TMEM132C: variants seen among roughly 807,000 people sequenced by gnomAD.
TMEM132C encodes protein phosphatase 1, regulatory subunit 152.
TMEM132C carries 29 observed loss-of-function variants against 61.4 expected under a neutral mutation model. That is an observed-to-expected ratio of 0.47 (90% CI 0.35 to 0.64). TMEM132C has a LOEUF of 0.64. Among genes scored for constraint, TMEM132C ranks in the 30% least tolerant of loss-of-function variants. The pLI, the probability that TMEM132C is intolerant of heterozygous loss-of-function variation, is 0.00. For missense variants in TMEM132C, 1,408 were observed against 1,476.9 expected, an observed-to-expected ratio of 0.95 and a Z score of 0.76; for synonymous variants, 656 against 633.1, an observed-to-expected ratio of 1.04 and a Z score of -0.54.
chr12:128,419,475 G>A (rs924920980), intron 2 of TMEM132C, among the ~76,000 whole-genome samples: 6 of 152,134 alleles, frequency 3.9e-5, no homozygotes, highest in African/African-American at 1.4e-4. Context: ...GTGTACACAG[G>A]CTTTGTGTTC....
intron 5 of TMEM132C, among the ~76,000 whole-genome samples, chr12:128,669,992 A>ACATAC (rs1954515694): frequency 6.6e-6 from 1 of 152,140 alleles, no homozygotes; most frequent in South Asian, 2.1e-4. Context: ...CTCACATCTC[A>ACATAC]CATACTTATC....
intron 3 of TMEM132C, among the ~76,000 whole-genome samples, chr12:128,573,518 G>A (rs931662488): frequency 7.2e-5 from 11 of 151,956 alleles, no homozygotes; most frequent in African/African-American, 1.2e-4. Context: ...GAGTTAATGG[G>A]TGCAGCATAC....
intron 2 of TMEM132C, among the ~76,000 whole-genome samples, chr12:128,430,135 A>G (rs1292715435): frequency 6.6e-6 from 1 of 152,148 alleles, no homozygotes; most frequent in East Asian, 1.9e-4. Flanking sequence ...CATTCCTAGT[A>G]AGCCTGCAGT....
chr12:128,601,217 G>A (rs560308239), intron 3 of TMEM132C, among the ~76,000 whole-genome samples: 20 of 152,296 alleles, frequency 1.3e-4, no homozygotes, highest in East Asian at 5.8e-4. Flanking sequence ...CAAAGGATGC[G>A]TCTGTCCTCC....
At chr12:128,395,730 T>C (rs1874927429) in intron 1 of TMEM132C, among the ~76,000 whole-genome samples, 1 of 152,210 alleles carries the variant, frequency 6.6e-6, no homozygotes, top group African/African-American at 2.4e-5. Flanking sequence ...GCACAGTTTC[T>C]ACTGAACGGG....
intron 2 of TMEM132C, among the ~76,000 whole-genome samples, chr12:128,470,351 A>G (rs1370941458): frequency 6.6e-6 from 1 of 152,190 alleles, no homozygotes; most frequent in Non-Finnish European, 1.5e-5. Context: ...TTCCTAGACC[A>G]GTTTTCAGTG....
intron 4 of TMEM132C, among the ~76,000 whole-genome samples, chr12:128,640,717 C>T (rs755943802): frequency 9.9e-5 from 15 of 152,166 alleles, no homozygotes; most frequent in Non-Finnish European, 1.6e-4. Context: ...CATGGCAAAA[C>T]CTCTACAAAA....
At chr12:128,342,904 T>C (rs1021408402) in intron 1 of TMEM132C, among the ~76,000 whole-genome samples, 5 of 152,218 alleles carry the variant, frequency 3.3e-5, no homozygotes, top group African/African-American at 9.6e-5. Flanking sequence ...TTGCATTGAC[T>C]GCACAGTGCA....
chr12:128,631,043 A>C (rs562660576), intron 4 of TMEM132C, among the ~76,000 whole-genome samples: 2 of 152,268 alleles, frequency 1.3e-5, no homozygotes, highest in Admixed American at 1.3e-4. Flanking sequence ...AATAGTAATA[A>C]TAATAATAAT....
intron 2 of TMEM132C, among the ~76,000 whole-genome samples, chr12:128,507,091 G>A (rs1299480329): frequency 6.6e-6 from 1 of 152,114 alleles, no homozygotes; most frequent in South Asian, 2.1e-4. Context: ...AATTTAAAGT[G>A]TTTGGTTTTC....
chr12:128,280,987 A>G (rs1053542358), intron 1 of TMEM132C, among the ~76,000 whole-genome samples: 2 of 152,182 alleles, frequency 1.3e-5, no homozygotes, highest in Non-Finnish European at 2.9e-5. Context: ...CAGAAAAAGA[A>G]CGATACATAT....
At chr12:128,537,905 A>T (rs1873592731) in intron 2 of TMEM132C, among the ~76,000 whole-genome samples, 1 of 152,166 alleles carries the variant, frequency 6.6e-6, no homozygotes, top group Non-Finnish European at 1.5e-5. Flanking sequence ...AAGCTGGATG[A>T]TGGGTACATG....
At chr12:128,299,575 T>C (rs1487275397) in intron 1 of TMEM132C, among the ~76,000 whole-genome samples, 1 of 152,158 alleles carries the variant, frequency 6.6e-6, no homozygotes, top group Admixed American at 6.5e-5. Context: ...TGTGAGAGAA[T>C]AGATGTTGTC....
At chr12:128,347,232 C>T (rs1460862207) in intron 1 of TMEM132C, among the ~76,000 whole-genome samples, 6 of 152,096 alleles carry the variant, frequency 3.9e-5, no homozygotes, top group African/African-American at 7.2e-5. Context: ...CAACTCCATC[C>T]AAGTTGCTGC....
At chr12:128,276,887 C>T (rs566869098) in intron 1 of TMEM132C, among the ~76,000 whole-genome samples, 46 of 104,014 alleles carry the variant, frequency 4.4e-4, no homozygotes, top group African/African-American at 1.4e-3. Flanking sequence ...CATGCATGTG[C>T]GTGCATGCAC....
chr12:128,369,944 C>T lies in TMEM132C; in HGVS notation c.86-44788C>T, dbSNP rs530973344. Among the ~76,000 whole-genome samples the T allele has an allele frequency of 3.3e-5, 5 of 152,332 alleles. No individual in the cohort carries two copies. The South Asian group carries it at 1.0e-3, about 32-fold the overall frequency. On this transcript the variant is annotated intron_variant, in intron 1 of 8. Coordinates refer to ENST00000435159, the MANE Select transcript of TMEM132C (RefSeq NM_001136103.3). Reference sequence around the variant, plus strand: ...GCGTTTCCCTGGCTAGAAATCCATCCCAAACATTAGTATGGGTTTAAAAGC... The same window carrying T: ...GCGTTTCCCTGGCTAGAAATCCATCTCAAACATTAGTATGGGTTTAAAAGC...
chr12:128,671,002 G>A (rs1351093839), intron 5 of TMEM132C, among the ~76,000 whole-genome samples: 1 of 152,118 alleles, frequency 6.6e-6, no homozygotes, highest in East Asian at 1.9e-4. Flanking sequence ...AAATACATTT[G>A]TGCTGTGGGT....
intron 1 of TMEM132C, among the ~76,000 whole-genome samples, chr12:128,377,146 C>A (rs1052328851): frequency 6.6e-6 from 1 of 151,744 alleles, no homozygotes; most frequent in Non-Finnish European, 1.5e-5. Flanking sequence ...CCTCTGCCTT[C>A]CAGGTTCAAG....
At position 128,438,332 on chromosome 12, in the gene TMEM132C, G is replaced by A. The variant is rs1310025069; in HGVS notation, c.974+22712G>A. Among the ~76,000 whole-genome samples, 5 of 152,174 alleles carry A rather than the reference G, an allele frequency of 3.3e-5. No individual in the cohort carries two copies. In the East Asian group the frequency reaches 9.7e-4, roughly 29 times the overall value. On this transcript the variant is annotated intron_variant, in intron 2 of 8. Transcript: ENST00000435159. The stretch of plus-strand genomic sequence containing the variant: ...GTGCTTGCTCTGTTAGTTACCATGA[G>A]AGCTGGTTGTTTAAAAGAGCCTGGC...
Sources: allele counts gnomAD v4.1 joint callset (sites outside exome capture counted in the v4.1 genomes callset), GRCh38; gene constraint gnomAD v4.1.1; transcripts MANE v1.5; gene names NCBI Gene and HGNC (gene_info 2026-07-23, HGNC 2026-07-21).